The following PAPPA2 variants were observed in gnomAD, a reference collection of about 807,000 sequenced individuals.
PAPPA2 encodes the protein pappalysin-2.
In PAPPA2, 86 loss-of-function variants were observed where a neutral mutation model predicts 176.4. That is an observed-to-expected ratio of 0.49 (90% confidence interval 0.41 to 0.58). The LOEUF (loss-of-function observed/expected upper bound fraction) is 0.58, where lower values mean the gene tolerates loss of function less well. Ranked by LOEUF, PAPPA2 falls within the 20% of genes least tolerant of loss-of-function variation. The pLI, the probability that PAPPA2 is intolerant of heterozygous loss-of-function variation, is 0.00. For missense variants in PAPPA2, 2,073 were observed against 2,256.9 expected (o/e 0.92, Z 1.65); for synonymous variants, 809 against 852.2 (o/e 0.95, Z 0.88).
chr1:176,716,950 T>C (rs791033), intron 12 of PAPPA2, among the ~76,000 whole-genome samples: 134,450 of 152,138 alleles, frequency 0.88, 59,521 homozygotes, highest in East Asian at 0.98. Flanking sequence ...CACAAGGCTT[T>C]CAACCCATCC....
intron 3 of PAPPA2, among the ~76,000 whole-genome samples, chr1:176,621,747 CCTGT>C (rs908969766): frequency 2.6e-5 from 4 of 151,966 alleles, no homozygotes; most frequent in Admixed American, 2.6e-4. Flanking sequence ...GGTTCAATGG[CCTGT>C]CTGTTATAGT....
chr1:176,661,136 C>G (rs536348232), intron 3 of PAPPA2, among the ~76,000 whole-genome samples: 1 of 152,188 alleles, frequency 6.6e-6, no homozygotes, highest in East Asian at 1.9e-4. Flanking sequence ...TCGCATTATT[C>G]TTTTGCTTAA....
chr1:176,813,233 A>G lies in PAPPA2; in HGVS notation c.5202+13101A>G, dbSNP rs537630388. ...TTATTCCATGTGTTTGCTATTGTGA[A>G]TAGTGCTGCAATGAACATACACTTT... is the stretch of plus-strand genomic sequence containing the variant. On this transcript the variant is annotated intron_variant, in intron 21 of 22. Coordinates refer to ENST00000367662, the MANE Select transcript of PAPPA2 (RefSeq NM_020318.3). Among the ~76,000 whole-genome samples, 9 of 152,282 alleles carry G rather than the reference A, an allele frequency of 5.9e-5. No homozygotes were observed. In the Middle Eastern group the frequency reaches 0.01, roughly 173 times the overall value.
At chr1:176,737,876 C>T (rs1662490265) in intron 12 of PAPPA2, among the ~76,000 whole-genome samples, 1 of 152,060 alleles carries the variant, frequency 6.6e-6, no homozygotes, top group African/African-American at 2.4e-5. Flanking sequence ...TTTTGGGATC[C>T]AACAGAAGGT....
At chr1:176,565,943 C>CTTCA (rs1372120915) in intron 2 of PAPPA2, among the ~76,000 whole-genome samples, 1 of 152,118 alleles carries the variant, frequency 6.6e-6, no homozygotes, top group Non-Finnish European at 1.5e-5. Flanking sequence ...TTCCCTGAAC[C>CTTCA]TTCACCTTTG....
At chr1:176,616,649 T>A (rs969559674) in intron 3 of PAPPA2, 1 of 1,570,158 alleles carries the variant, frequency 6.4e-7, no homozygotes, top group African/African-American at 1.4e-5. Context: ...CTTCACATAC[T>A]CTTACTATTG....
At chr1:176,740,569 C>T (rs1490332045) in intron 14 of PAPPA2, among the ~76,000 whole-genome samples, 2 of 152,152 alleles carry the variant, frequency 1.3e-5, no homozygotes, top group Non-Finnish European at 2.9e-5. Flanking sequence ...CTTCTTTCCA[C>T]CTGGACAGTG....
chr1:176,676,521 A>G (rs1659308409), intron 4 of PAPPA2, among the ~76,000 whole-genome samples: 1 of 152,100 alleles, frequency 6.6e-6, no homozygotes, highest in East Asian at 1.9e-4. Context: ...TATTCTCAAA[A>G]TGGTAAAATT....
At chr1:176,764,170 C>A (rs973857578) in intron 14 of PAPPA2, among the ~76,000 whole-genome samples, 2 of 152,178 alleles carry the variant, frequency 1.3e-5, no homozygotes, top group Non-Finnish European at 2.9e-5. Flanking sequence ...GACCCAAACA[C>A]CTTCCACTAG....
intron 2 of PAPPA2, among the ~76,000 whole-genome samples, chr1:176,584,396 T>C (rs976912296): frequency 3.4e-5 from 5 of 148,086 alleles, no homozygotes; most frequent in East Asian, 1.9e-4. Flanking sequence ...ATATAATGCA[T>C]TTTTGTTTTT....
intron 1 of PAPPA2, among the ~76,000 whole-genome samples, chr1:176,512,573 G>A (rs1483676998): frequency 1.3e-5 from 2 of 152,112 alleles, no homozygotes; most frequent in African/African-American, 4.8e-5. Flanking sequence ...ACAACATAAA[G>A]CAGATCATTG....
rs554630646 is a variant in PAPPA2, at chr1:176,548,870, C to T, written c.-916-6537C>T. On this transcript the variant is annotated intron_variant, in intron 1 of 22. Coordinates refer to ENST00000367662, the MANE Select transcript of PAPPA2 (RefSeq NM_020318.3). ...TTCTTGGAGGCATTGGGCCCTCACTCAAGACATGAAAAGTCTGGTTTTTTC... is the reference window on the plus strand; with the variant it reads ...TTCTTGGAGGCATTGGGCCCTCACTTAAGACATGAAAAGTCTGGTTTTTTC... Among the ~76,000 whole-genome samples the T allele has an allele frequency of 4.6e-5, 7 of 152,172 alleles. No individual in the cohort carries two copies. The South Asian group carries it at 1.0e-3, about 23-fold the overall frequency.
chr1:176,839,757 C>T lies in PAPPA2; in HGVS notation c.5203-416C>T, dbSNP rs76098869. Among the ~76,000 whole-genome samples the T allele has an allele frequency of 6.3e-4, 96 of 152,304 alleles. No individual in the cohort carries two copies. In the East Asian group the frequency reaches 0.017, roughly 27 times the overall value. ...CTGGGCAATTCTTATCATCTCTATG[C>T]ATCCTCATTTCCAAAAAAGTGGGAC... On this transcript the variant is annotated intron_variant, in intron 21 of 22. Transcript: ENST00000367662.
Position 176,711,846 on chromosome 1 carries a change from A to C in PAPPA2, c.3663A>C (p.Ser1221=). 6.2e-7 allele frequency: 1 copy of C among 1,608,190 alleles called. No individual in the cohort carries two copies. The highest frequency in any genetic ancestry group is 8.5e-7 in the Non-Finnish European group (1 of 1,174,882). ...AAATTGTATTTCAGATTTGCACATC[A>C]TACCATCCAGATTTACCCAACCACC... is the stretch of plus-strand genomic sequence containing the variant. ...TGEPHSLICT[S]YHPDLPNHRP... The change falls in exon 12 of 23, where the codon TCA becomes TCC. Residue 1221 remains serine, a synonymous_variant. Coordinates refer to ENST00000367662, the MANE Select transcript of PAPPA2 (RefSeq NM_020318.3).
chr1:176,697,685 C>G (rs1346274781), intron 7 of PAPPA2, among the ~76,000 whole-genome samples: 2 of 152,164 alleles, frequency 1.3e-5, no homozygotes, highest in Non-Finnish European at 2.9e-5. Context: ...AAATAGCTCC[C>G]AGCCTCACCT....
chr1:176,791,095 A>G (rs1180085756), intron 18 of PAPPA2, among the ~76,000 whole-genome samples: 1 of 152,026 alleles, frequency 6.6e-6, no homozygotes, highest in Non-Finnish European at 1.5e-5. Flanking sequence ...CTATATATAA[A>G]GGAAAATACA....
At chr1:176,634,950 G>GATAGATAGATAA (rs1558486948) in intron 3 of PAPPA2, among the ~76,000 whole-genome samples, 2 of 120,344 alleles carry the variant, frequency 1.7e-5, no homozygotes, top group African/African-American at 3.6e-5. Flanking sequence ...ATGATAGGTA[G>GATAGATAGATAA]ATAGATAGAT....
At chr1:176,578,559 T>C (rs1184158572) in intron 2 of PAPPA2, among the ~76,000 whole-genome samples, 1 of 152,164 alleles carries the variant, frequency 6.6e-6, no homozygotes, top group Non-Finnish European at 1.5e-5. Context: ...TAAGATAGGC[T>C]CTTGTCATCA....
intron 3 of PAPPA2, among the ~76,000 whole-genome samples, chr1:176,654,940 A>C (rs553313955): frequency 1.3e-5 from 2 of 151,954 alleles, no homozygotes; most frequent in South Asian, 4.1e-4. Flanking sequence ...AGCTTTACTA[A>C]ATTCATTCAT....
Sources: allele counts gnomAD v4.1 joint callset (sites outside exome capture counted in the v4.1 genomes callset), GRCh38; gene constraint gnomAD v4.1.1; transcripts MANE v1.5; gene names NCBI Gene and HGNC (gene_info 2026-07-23, HGNC 2026-07-21).